MGMT: variants seen among roughly 807,000 people sequenced by gnomAD.
MGMT encodes the protein methylated-DNA--protein-cysteine methyltransferase.
Under a neutral mutation model 15.9 loss-of-function variants are expected in MGMT, and 14 were observed. The ratio of observed to expected loss-of-function variants is 0.88; its 90% CI spans 0.58 to 1.37. The LOEUF (loss-of-function observed/expected upper bound fraction) is 1.37. Ranked by LOEUF, MGMT falls within the 40% of genes most tolerant of loss-of-function variation. MGMT has a pLI of 0.00. For synonymous variants in MGMT, 130 were observed against 118.2 expected (o/e 1.10, Z -0.65); for missense variants, 282 against 268.1 (o/e 1.05, Z -0.36).
At chr10:129,516,107 G>C (rs561378614) in intron 1 of MGMT, among the ~76,000 whole-genome samples, 1 of 152,156 alleles carries the variant, frequency 6.6e-6, no homozygotes, top group South Asian at 2.1e-4. Flanking sequence ...TTTTATATTA[G>C]TTCTTTAAAT....
chr10:129,511,428 C>T (rs1427402092), intron 1 of MGMT, among the ~76,000 whole-genome samples: 2 of 151,114 alleles, frequency 1.3e-5, no homozygotes, highest in Non-Finnish European at 3.0e-5. Context: ...ACCCCATATA[C>T]CAGACGCAGC....
intron 3 of MGMT, among the ~76,000 whole-genome samples, chr10:129,740,156 G>A (rs746533588): frequency 2.0e-5 from 3 of 152,228 alleles, no homozygotes; most frequent in Non-Finnish European, 2.9e-5. Flanking sequence ...GTCGGGGTCC[G>A]GGAAAGGGTG....
intron 2 of MGMT, among the ~76,000 whole-genome samples, chr10:129,654,714 G>A (rs1015932332): frequency 4.2e-4 from 64 of 152,058 alleles, no homozygotes; most frequent in Admixed American, 4.0e-3. Context: ...GAAGGTGGCC[G>A]GGGTCTCGGG....
chr10:129,472,843 G>A (rs879791314), intron 1 of MGMT, among the ~76,000 whole-genome samples: 2 of 152,124 alleles, frequency 1.3e-5, no homozygotes, highest in Non-Finnish European at 2.9e-5. Context: ...ACAGTGCATT[G>A]TCTGTGTGCA....
chr10:129,768,484 A>G lies in MGMT; in HGVS notation c.*1487A>G, dbSNP rs1452021254. Among the ~76,000 whole-genome samples the G allele has an allele frequency of 6.6e-6, 1 of 152,206 alleles. No homozygotes were observed. Among genetic ancestry groups the G allele is most frequent in the East Asian group, 1.9e-4 (1 of 5,180 alleles). On this transcript the variant is annotated 3_prime_UTR_variant, in exon 5 of 5. Coordinates refer to ENST00000651593, the MANE Select transcript of MGMT (RefSeq NM_002412.5). Reference sequence around the variant, plus strand: ...ACGCCGCGTCACCGTCAGGACTCGCAGGCTGTCTGGTCATTTTTGACGTTG... The same window carrying G: ...ACGCCGCGTCACCGTCAGGACTCGCGGGCTGTCTGGTCATTTTTGACGTTG...
chr10:129,534,218 A>G (rs1471194681), intron 1 of MGMT, among the ~76,000 whole-genome samples: 1 of 152,064 alleles, frequency 6.6e-6, no homozygotes, highest in Non-Finnish European at 1.5e-5. Context: ...CCACATGGTA[A>G]GTGGAAGGCA....
chr10:129,717,827 G>A (rs1729529279), intron 3 of MGMT: 1 of 152,190 alleles, frequency 6.6e-6, no homozygotes, highest in Non-Finnish European at 1.5e-5. Flanking sequence ...TTCATCAGAA[G>A]GTGGTGTTTA....
chr10:129,661,098 A>G (rs1847592144), intron 2 of MGMT, among the ~76,000 whole-genome samples: 2 of 152,124 alleles, frequency 1.3e-5, no homozygotes, highest in Non-Finnish European at 2.9e-5. Context: ...TTCTTTTGTG[A>G]GTAGGACTTT....
At chr10:129,584,142 T>G (rs1846590717) in intron 2 of MGMT, among the ~76,000 whole-genome samples, 1 of 152,190 alleles carries the variant, frequency 6.6e-6, no homozygotes, top group Non-Finnish European at 1.5e-5. Flanking sequence ...CATCATCAGA[T>G]GAGCAGACAT....
chr10:129,551,480 G>A (rs1305856067), intron 2 of MGMT, among the ~76,000 whole-genome samples: 1 of 152,106 alleles, frequency 6.6e-6, no homozygotes, highest in Non-Finnish European at 1.5e-5. Context: ...GCAGGCCAGG[G>A]CACCCTCAGG....
chr10:129,647,968 T>C (rs1847416054), intron 2 of MGMT, among the ~76,000 whole-genome samples: 1 of 152,234 alleles, frequency 6.6e-6, no homozygotes, highest in Admixed American at 6.5e-5. Flanking sequence ...GCCCTTTTCA[T>C]TCCATAAATA....
intron 2 of MGMT, among the ~76,000 whole-genome samples, chr10:129,576,765 G>T (rs1003255274): frequency 1.3e-5 from 2 of 152,186 alleles, no homozygotes; most frequent in East Asian, 3.9e-4. Flanking sequence ...TGCAGATGAC[G>T]TGATTGTATA....
intron 2 of MGMT, among the ~76,000 whole-genome samples, chr10:129,677,582 TTTG>T (rs1847799868): frequency 2.0e-5 from 3 of 152,188 alleles, no homozygotes; most frequent in African/African-American, 2.4e-5. Context: ...ACCCAGTCTG[TTTG>T]TAAGCAGTGC....
chr10:129,636,325 G>A (rs1485505649), intron 2 of MGMT, among the ~76,000 whole-genome samples: 1 of 152,202 alleles, frequency 6.6e-6, no homozygotes, highest in Non-Finnish European at 1.5e-5. Context: ...ACACATTCAC[G>A]TATAACCAGC....
chr10:129,595,565 G>T (rs949858117), intron 2 of MGMT, among the ~76,000 whole-genome samples: 11 of 152,050 alleles, frequency 7.2e-5, no homozygotes, highest in African/African-American at 1.9e-4. Context: ...CACTACCCAG[G>T]GTCAGATGAA....
rs567464765 is a variant in MGMT, at chr10:129,736,699, G to A, written c.275-22503G>A. Among the ~76,000 whole-genome samples the A allele has an allele frequency of 2.1e-3, 321 of 152,210 alleles. 5 individuals carry two copies. In the South Asian group the frequency reaches 0.042, roughly 20 times the overall value. ...GCATGATTTTGCAGCGGCTGGTACC[G>A]GTTGTTCCTTTCCATGTTTAGTGCT... On this transcript the variant is annotated intron_variant, in intron 3 of 4. Coordinates refer to ENST00000651593, the MANE Select transcript of MGMT (RefSeq NM_002412.5).
At chr10:129,707,723 C>T (rs1025133266) in intron 2 of MGMT, among the ~76,000 whole-genome samples, 172 bp from the exon 3 acceptor site, 2 of 152,142 alleles carry the variant, frequency 1.3e-5, no homozygotes, top group African/African-American at 4.8e-5. Context: ...TGCGGGGCCT[C>T]GGTGCGTCCT....
At chr10:129,661,414 C>T (rs920450589) in intron 2 of MGMT, among the ~76,000 whole-genome samples, 1 of 152,124 alleles carries the variant, frequency 6.6e-6, no homozygotes, top group Admixed American at 6.5e-5. Context: ...AATAAAGACG[C>T]GTCCATTTCT....
chr10:129,468,313 G>A (rs1197762292), intron 1 of MGMT, among the ~76,000 whole-genome samples: 2 of 152,138 alleles, frequency 1.3e-5, no homozygotes, highest in Non-Finnish European at 2.9e-5. Context: ...GGGTGGGGGT[G>A]TGAAAACTTT....
Sources: gnomAD v4.1 joint callset for allele counts (sites outside exome capture counted in the v4.1 genomes callset) on GRCh38, gnomAD v4.1.1 for gene constraint, MANE v1.5 for transcripts, NCBI Gene and HGNC (gene_info 2026-07-23, HGNC 2026-07-21) for gene names.